Variants in MINDY2 observed in about 807,000 individuals in gnomAD.
The protein encoded by MINDY2 is ubiquitin carboxyl-terminal hydrolase MINDY-2.
A neutral mutation model predicts 68.2 loss-of-function variants in MINDY2; 52 were observed. The observed-to-expected ratio is 0.76, with a 90% CI of 0.61 to 0.96. MINDY2 has a LOEUF of 0.96. MINDY2 is among the 40% of genes least tolerant of loss of function. MINDY2 has a pLI of 0.00. For synonymous variants in MINDY2, 372 were observed against 303.0 expected, an observed-to-expected ratio of 1.23 and a Z score of -2.36; for missense variants, 881 against 773.4, an observed-to-expected ratio of 1.14 and a Z score of -1.65.
intron 6 of MINDY2, among the ~76,000 whole-genome samples, chr15:58,840,699 C>G (rs2032235267): frequency 6.7e-6 from 1 of 148,964 alleles, no homozygotes; most frequent in Non-Finnish European, 1.5e-5. Flanking sequence ...CTCTGTCACC[C>G]AGGCTGGAGT....
chr15:58,780,322 T>G (rs1595700544), intron 1 of MINDY2, among the ~76,000 whole-genome samples: 1 of 152,098 alleles, frequency 6.6e-6, no homozygotes, highest in East Asian at 1.9e-4. Context: ...GAGAATCACT[T>G]TAACCTGGGA....
chr15:58,803,495 A>AACAACTT (rs1356758882), intron 3 of MINDY2, among the ~76,000 whole-genome samples: 1 of 148,992 alleles, frequency 6.7e-6, no homozygotes, highest in Non-Finnish European at 1.5e-5. Flanking sequence ...AAGAAGAATC[A>AACAACTT]ACAACTTACA....
At chr15:58,823,638 C>T (rs995354136) in intron 5 of MINDY2, among the ~76,000 whole-genome samples, 1 of 151,696 alleles carries the variant, frequency 6.6e-6, no homozygotes, top group Non-Finnish European at 1.5e-5. Flanking sequence ...ACACTCCAGC[C>T]TGGGCAACAG....
chr15:58,798,914 A>T (rs1902457733), intron 2 of MINDY2, among the ~76,000 whole-genome samples: 1 of 152,226 alleles, frequency 6.6e-6, no homozygotes, highest in African/African-American at 2.4e-5. Flanking sequence ...TTGGTATGTT[A>T]AATTTATCTA....
intron 7 of MINDY2, among the ~76,000 whole-genome samples, chr15:58,851,366 TTAAAA>T (rs2032801296): frequency 6.6e-6 from 1 of 152,224 alleles, no homozygotes; most frequent in African/African-American, 2.4e-5. Flanking sequence ...ATTTTAATGT[TTAAAA>T]TAAAATGTTT....
chr15:58,852,972 A>T lies in MINDY2; in HGVS notation c.1737+1007A>T, dbSNP rs148911577. Among the ~76,000 whole-genome samples the T allele has an allele frequency of 1.2e-3, 21 of 17,272 alleles. 5 individuals are homozygous for T. The highest frequency in any genetic ancestry group is 2.8e-3 in the South Asian group (2 of 714). 11.3% of individuals were successfully genotyped at this position (17,272 alleles called of 152,430 possible). A position where few individuals can be genotyped will look rare whatever the true frequency, so the allele number is the denominator to read the frequency against. The stretch of plus-strand genomic sequence containing the variant: ...TTTTTTTTTTTTTTTTTTTTTTTTA[A>T]GACAGAGTCTCACTCTGTTGCCCAG... On this transcript the variant is annotated intron_variant, in intron 8 of 8. Transcript: ENST00000559228.
In MINDY2 at chr15:58,861,366, A is replaced by AT. The variant is rs2033213750; in HGVS notation, c.*6762dup. 1 of 152,034 alleles carries AT rather than the reference A, an allele frequency of 6.6e-6. No individual in the cohort carries two copies. The highest frequency in any genetic ancestry group is 6.6e-5 in the Admixed American group (1 of 15,256). 9.4% of individuals were successfully genotyped at this position (152,034 alleles called of 1,614,324 possible). The stretch of plus-strand genomic sequence containing the variant: ...ATATATAGATTACGTATGAGTGCCT[A>AT]TTTTTTCCTCCTCCTTTCATTTTTT... On this transcript the variant is annotated 3_prime_UTR_variant, in exon 9 of 9. Coordinates refer to ENST00000559228, the MANE Select transcript of MINDY2 (RefSeq NM_001040450.3).
chr15:58,834,275 ATCTC>A lies in MINDY2; in HGVS notation c.1368+2367_1368+2370del, dbSNP rs375059015. ...TCTGCACAGACACAGTAACAATCTG[ATCTC>A]TCTCTCTTTTCCCCACAATATCTCA... On this transcript the variant is annotated intron_variant, in intron 6 of 8. Coordinates refer to ENST00000559228, the MANE Select transcript of MINDY2 (RefSeq NM_001040450.3). Among the ~76,000 whole-genome samples the A allele has an allele frequency of 1.1e-3, 172 of 152,134 alleles. 1 individual carries two copies. Among genetic ancestry groups the A allele is most frequent in the African/African-American group, 3.7e-3 (153 of 41,514 alleles).
chr15:58,814,465 C>A (rs2030537382), intron 4 of MINDY2, among the ~76,000 whole-genome samples: 1 of 152,002 alleles, frequency 6.6e-6, no homozygotes, highest in South Asian at 2.1e-4. Context: ...TAGCTCACTG[C>A]AACCTCAAAC....
At chr15:58,800,800 A>G (rs1449594951) in intron 2 of MINDY2, among the ~76,000 whole-genome samples, 1 of 140,746 alleles carries the variant, frequency 7.1e-6, no homozygotes, top group African/African-American at 2.7e-5. Flanking sequence ...ACGCCACTGC[A>G]CTCCAGCCTG....
At chr15:58,851,020 C>T (rs979320134) in intron 7 of MINDY2, among the ~76,000 whole-genome samples, 1 of 152,116 alleles carries the variant, frequency 6.6e-6, no homozygotes, top group Admixed American at 6.6e-5. Flanking sequence ...GTCGCCCAGG[C>T]TGGAGCGCAG....
intron 2 of MINDY2, among the ~76,000 whole-genome samples, chr15:58,801,905 A>G (rs1273967502): frequency 6.6e-6 from 1 of 152,248 alleles, no homozygotes; most frequent in African/African-American, 2.4e-5. Context: ...GGCGTGAGCC[A>G]CCAAACCCAG....
chr15:58,800,948 C>A (rs1902604259), intron 2 of MINDY2, among the ~76,000 whole-genome samples: 1 of 151,396 alleles, frequency 6.6e-6, no homozygotes, highest in Admixed American at 6.6e-5. Context: ...GACAGATTAA[C>A]CAGTTGACAA....
Position 58,838,547 on chromosome 15 carries a change from T to C in MINDY2, c.1368+6631T>C, listed in dbSNP as rs574780114. Among the ~76,000 whole-genome samples, 11 of 151,960 alleles carry C rather than the reference T, an allele frequency of 7.2e-5. No homozygotes were observed. In the East Asian group the frequency reaches 1.9e-3, roughly 27 times the overall value. ...GGCAATCAGACATAAATATCTATAC[T>C]TCTATTATTTTGTTAGTGGGGCTAC... On this transcript the variant is annotated intron_variant, in intron 6 of 8. Coordinates refer to ENST00000559228, the MANE Select transcript of MINDY2 (RefSeq NM_001040450.3).
chr15:58,786,521 C>T (rs1404965780), intron 1 of MINDY2, among the ~76,000 whole-genome samples: 1 of 152,152 alleles, frequency 6.6e-6, no homozygotes, highest in Non-Finnish European at 1.5e-5. Flanking sequence ...TGTGTTGTTG[C>T]AGCTGAATTA....
At position 58,771,820 on chromosome 15, in the gene MINDY2, A is replaced by T. The variant is rs1319494947; in HGVS notation, c.425A>T (p.Glu142Val). ...RPDLAGTCQAELTAAGSEEPS... is the reference protein window; with the variant it reads ...RPDLAGTCQAVLTAAGSEEPS... ...GATCTCGCCGGCACCTGCCAAGCAG[A>T]ACTGACCGCCGCCGGCTCCGAAGAG... Residue 142 changes from glutamate (E) to valine (V), a missense_variant, in exon 1 of 9, where the codon GAA (glutamate) becomes GTA (valine). Physicochemically the swap from Glu to Val is moderately radical, Grantham distance 121 (BLOSUM62 -2). Coordinates refer to ENST00000559228, the MANE Select transcript of MINDY2 (RefSeq NM_001040450.3). The T allele has an allele frequency of 6.2e-7, 1 of 1,609,208 alleles. No homozygotes were observed. Among genetic ancestry groups the T allele is most frequent in the Admixed American group, 1.7e-5 (1 of 59,616 alleles).
chr15:58,827,145 T>G (rs2031449473), intron 5 of MINDY2, among the ~76,000 whole-genome samples: 1 of 152,232 alleles, frequency 6.6e-6, no homozygotes, highest in Non-Finnish European at 1.5e-5. Flanking sequence ...ATTATCTCAT[T>G]ATTGGTGATG....
chr15:58,817,163 CAG>C, intron 4 of MINDY2, among the ~76,000 whole-genome samples: 1 of 152,030 alleles, frequency 6.6e-6, no homozygotes, highest in East Asian at 1.9e-4. Flanking sequence ...GCATTCCAAA[CAG>C]AATGTAAAAG....
intron 1 of MINDY2, among the ~76,000 whole-genome samples, chr15:58,772,441 C>T (rs1309938432): frequency 6.6e-5 from 10 of 152,162 alleles, no homozygotes; most frequent in Non-Finnish European, 2.9e-5. Context: ...TCAGTCTTCT[C>T]TTGTAGTGTT....
Sources: gnomAD v4.1 joint callset for allele counts (sites outside exome capture counted in the v4.1 genomes callset) on GRCh38, gnomAD v4.1.1 for gene constraint, MANE v1.5 for transcripts, NCBI Gene and HGNC (gene_info 2026-07-23, HGNC 2026-07-21) for gene names.